SYTL3: variants seen among roughly 807,000 people sequenced by gnomAD.
SYTL3 encodes synaptotagmin like 3, also known as synaptotagmin-like protein 3.
A neutral mutation model predicts 82.1 loss-of-function variants in SYTL3; 88 were observed. That is an observed-to-expected ratio of 1.07 (90% CI 0.90 to 1.28). The LOEUF is 1.28. Ranked by LOEUF, SYTL3 falls within the 50% of genes most tolerant of loss-of-function variation. SYTL3 has a pLI of 0.00. For synonymous variants in SYTL3, 311 were observed against 289.4 expected (o/e 1.07, Z -0.76); for missense variants, 831 against 757.6 (o/e 1.10, Z -1.14).
chr6:158,751,749 C>T (rs1200452029), intron 12 of SYTL3, among the ~76,000 whole-genome samples, 179 bp from the exon 13 acceptor site: 1 of 152,150 alleles, frequency 6.6e-6, no homozygotes, highest in African/African-American at 2.4e-5. Flanking sequence ...TCAGAAGCTG[C>T]CCACCCAGCA....
intron 11 of SYTL3, among the ~76,000 whole-genome samples, chr6:158,731,311 A>C (rs1583408616): frequency 6.6e-6 from 1 of 151,878 alleles, no homozygotes; most frequent in East Asian, 1.9e-4. Context: ...AAAAACTAAA[A>C]GTCTTTTAGC....
At chr6:158,675,867 G>A (rs1437377327) in intron 5 of SYTL3, among the ~76,000 whole-genome samples, 2 of 152,190 alleles carry the variant, frequency 1.3e-5, no homozygotes, top group East Asian at 1.9e-4. Context: ...GGAGAATGGC[G>A]TGAACCCGGG....
chr6:158,740,670 A>C (rs1033392161), intron 11 of SYTL3, among the ~76,000 whole-genome samples: 2 of 152,194 alleles, frequency 1.3e-5, no homozygotes, highest in South Asian at 4.1e-4. Flanking sequence ...TAGTCCTGGT[A>C]TGCGTGGCAA....
chr6:158,755,401 G>A (rs73797098), intron 13 of SYTL3, among the ~76,000 whole-genome samples: 4,359 of 152,238 alleles, frequency 0.029, 175 homozygotes, highest in African/African-American at 0.087. Flanking sequence ...TTACCCAAAG[G>A]CAGGAGAAAA....
At chr6:158,726,173 AT>A (rs1403044257) in intron 11 of SYTL3, 3 of 427,400 alleles carry the variant, frequency 7.0e-6, no homozygotes, top group African/African-American at 4.1e-5. Flanking sequence ...AGCACAAGCT[AT>A]AAAAATCACT....
upstream of SYTL3, among the ~76,000 whole-genome samples, chr6:158,647,355 G>T (rs1466926558): frequency 1.3e-5 from 2 of 152,170 alleles, no homozygotes; most frequent in African/African-American, 4.8e-5. Flanking sequence ...CGGATGAGCT[G>T]GTCTGTTTAT....
At chr6:158,693,615 C>T (rs187512517) in intron 6 of SYTL3, among the ~76,000 whole-genome samples, 1 of 152,240 alleles carries the variant, frequency 6.6e-6, no homozygotes, top group Non-Finnish European at 1.5e-5. Context: ...AAACTCCTGA[C>T]CTCAAATGAT....
intron 6 of SYTL3, among the ~76,000 whole-genome samples, chr6:158,699,849 A>G (rs1009996476): frequency 6.6e-6 from 1 of 151,956 alleles, no homozygotes. Context: ...TCCGAGCCTG[A>G]GGTAGAAGAA....
chr6:158,716,508 C>T (rs1166311932), intron 9 of SYTL3, among the ~76,000 whole-genome samples: 4 of 152,162 alleles, frequency 2.6e-5, no homozygotes, highest in Non-Finnish European at 4.4e-5. Flanking sequence ...CTGGTGCGTA[C>T]TAGTGCCTTA....
At position 158,725,637 on chromosome 6, in the gene SYTL3, C is replaced by T. The variant is rs368568428; in HGVS notation, c.855C>T (p.His285=). 50 of 1,612,456 alleles carry T rather than the reference C, an allele frequency of 3.1e-5. No individual in the cohort carries two copies. Among genetic ancestry groups the T allele is most frequent in the East Asian group, 1.6e-4 (7 of 44,902 alleles). The change falls in exon 11 of 18, where the codon CAC becomes CAT. Residue 285 remains histidine (H), a splice_region_variant and synonymous_variant. Coordinates refer to ENST00000611299, the MANE Select transcript of SYTL3 (RefSeq NM_001242394.2). ...PSTIFSGGFR[H]GSLISIDSTC... The stretch of plus-strand genomic sequence containing the variant: ...CCATATTCTCTGGAGGTTTTAGACA[C>T]GTGAGTCTCATTCCAATGCTCTTTT...
At chr6:158,763,561 G>T in intron 17 of SYTL3, 52 bp downstream of exon 17, 2 of 1,503,082 alleles carry the variant, frequency 1.3e-6, no homozygotes, top group South Asian at 1.1e-5. Context: ...TTATCCTAAT[G>T]GGTACCGTGC....
intron 14 of SYTL3, among the ~76,000 whole-genome samples, chr6:158,759,866 A>G (rs1200531799): frequency 1.3e-5 from 2 of 152,112 alleles, no homozygotes; most frequent in African/African-American, 2.4e-5. Context: ...ACACAAATTC[A>G]TAAACTTTCT....
chr6:158,682,925 G>A lies in SYTL3; in HGVS notation c.330G>A (p.Arg110=), dbSNP rs759221462. The change falls in exon 6 of 18, where the codon AGG becomes AGA. Residue 110 remains arginine (R), a splice_region_variant and synonymous_variant. Coordinates refer to ENST00000611299, the MANE Select transcript of SYTL3 (RefSeq NM_001242394.2). ...GCTTCCTTTCTGCTCATTTTTTCAGGAATGTCAAAATAAAAACTGGAGAAT... is the reference window on the plus strand; with the variant it reads ...GCTTCCTTTCTGCTCATTTTTTCAGAAATGTCAAAATAAAAACTGGAGAAT... The part of the protein sequence containing the change: ...AWKCTVCFED[R]NVKIKTGEWF... 1 of 1,612,100 alleles carries A rather than the reference G, an allele frequency of 6.2e-7. No individual in the cohort carries two copies. Among genetic ancestry groups the A allele is most frequent in the Non-Finnish European group, 8.5e-7 (1 of 1,178,420 alleles).
chr6:158,718,126 A>C lies in SYTL3; in HGVS notation c.635A>C (p.His212Pro). ...KSQNDMTSEK[H>P]LLATGPRQCV... ...CAGAATGATATGACTTCTGAGAAGCATCTTCTCGCCACGGGCCCCAGGCAG... is the reference window on the plus strand; with the variant it reads ...CAGAATGATATGACTTCTGAGAAGCCTCTTCTCGCCACGGGCCCCAGGCAG... Residue 212 changes from histidine to proline, a missense_variant, in exon 10 of 18, where the codon CAT becomes CCT. By Grantham distance (77) the His-to-Pro change is moderately conservative. Coordinates refer to ENST00000611299, the MANE Select transcript of SYTL3 (RefSeq NM_001242394.2). 2 of 1,546,740 alleles carry C rather than the reference A, an allele frequency of 1.3e-6. No individual in the cohort carries two copies.
intron 3 of SYTL3, among the ~76,000 whole-genome samples, 171 bp from the exon 4 acceptor site, chr6:158,662,579 A>G (rs1789509785): frequency 6.6e-6 from 1 of 152,232 alleles, no homozygotes; most frequent in South Asian, 2.1e-4. Context: ...TGGAAGTTTG[A>G]GGCTTTTAGA....
upstream of SYTL3, among the ~76,000 whole-genome samples, chr6:158,648,064 T>C (rs1206252574): frequency 6.6e-6 from 1 of 151,758 alleles, no homozygotes; most frequent in East Asian, 1.9e-4. Flanking sequence ...GAGGCTGAGG[T>C]GGGCAGATCA....
chr6:158,749,674 G>A (rs933951924), intron 12 of SYTL3, among the ~76,000 whole-genome samples: 1 of 151,666 alleles, frequency 6.6e-6, no homozygotes. Flanking sequence ...TTTCAGTAGT[G>A]ATGAGGTCCC....
At chr6:158,715,200 A>G (rs761401321) in intron 9 of SYTL3, among the ~76,000 whole-genome samples, 5 of 151,768 alleles carry the variant, frequency 3.3e-5, no homozygotes, top group South Asian at 2.1e-4. Flanking sequence ...CCTTCCCTGT[A>G]TGTCTTTCTA....
intron 6 of SYTL3, among the ~76,000 whole-genome samples, chr6:158,697,228 C>CAGG (rs984235824): frequency 1.4e-5 from 2 of 147,354 alleles, no homozygotes; most frequent in African/African-American, 5.1e-5. Flanking sequence ...TGCTTGACCC[C>CAGG]AGGAGTTCGA....
Sources: allele counts gnomAD v4.1 joint callset (sites outside exome capture counted in the v4.1 genomes callset), GRCh38; gene constraint gnomAD v4.1.1; transcripts MANE v1.5; gene names NCBI Gene and HGNC (gene_info 2026-07-23, HGNC 2026-07-21).